MBOAT1: variants seen among roughly 807,000 people sequenced by gnomAD.
MBOAT1 encodes membrane bound glycerophospholipid O-acyltransferase 1, also known as membrane-bound glycerophospholipid O-acyltransferase 1.
A neutral mutation model predicts 64.4 loss-of-function variants in MBOAT1; 67 were observed. The ratio of observed to expected loss-of-function variants is 1.04; its 90% CI spans 0.85 to 1.27. MBOAT1 has a LOEUF of 1.27. MBOAT1 is among the 50% of genes most tolerant of loss of function. The probability of loss-of-function intolerance (pLI) is 0.00; values close to 1 mark genes in which losing one functional copy is unlikely to be tolerated. For missense variants in MBOAT1, 563 were observed against 604.6 expected, an observed-to-expected ratio of 0.93 and a Z score of 0.72; for synonymous variants, 229 against 218.9, an observed-to-expected ratio of 1.05 and a Z score of -0.41.
intron 8 of MBOAT1, among the ~76,000 whole-genome samples, chr6:20,123,584 A>G (rs1202175820): frequency 2.6e-5 from 4 of 152,162 alleles, no homozygotes; most frequent in Non-Finnish European, 5.9e-5. Context: ...TGATAAAACC[A>G]AGTGAAGTTG....
intron 10 of MBOAT1, 107 bp from the exon 11 acceptor site, chr6:20,113,115 G>A: frequency 3.0e-6 from 4 of 1,340,332 alleles, no homozygotes; most frequent in Non-Finnish European, 4.0e-6. Flanking sequence ...GGTTGTTACT[G>A]ATGAGATGCC....
intron 1 of MBOAT1, among the ~76,000 whole-genome samples, chr6:20,188,986 T>C (rs1004266925): frequency 1.3e-5 from 2 of 152,222 alleles, no homozygotes; most frequent in Non-Finnish European, 2.9e-5. Context: ...ATTCCTTCTT[T>C]ATATTCCCTC....
intron 1 of MBOAT1, among the ~76,000 whole-genome samples, chr6:20,157,255 C>G (rs2113703718): frequency 6.6e-6 from 1 of 152,304 alleles, no homozygotes; most frequent in South Asian, 2.1e-4. Context: ...CATGCCACTG[C>G]ACTCCAGCCT....
chr6:20,206,612 C>A (rs1763274254), intron 1 of MBOAT1, among the ~76,000 whole-genome samples: 1 of 152,154 alleles, frequency 6.6e-6, no homozygotes, highest in Admixed American at 6.5e-5. Flanking sequence ...CCGGGTCACA[C>A]CCCCTCTGCT....
At chr6:20,166,284 T>C (rs940818415) in intron 1 of MBOAT1, among the ~76,000 whole-genome samples, 8 of 152,194 alleles carry the variant, frequency 5.3e-5, no homozygotes, top group Non-Finnish European at 1.2e-4. Context: ...CCACACAGTA[T>C]GGCAGGTGTG....
Position 20,212,160 on chromosome 6 carries a change from C to T in MBOAT1, c.75G>A (p.Glu25=), listed in dbSNP as rs754390978. The T allele has an allele frequency of 2.5e-6, 4 of 1,613,724 alleles. No individual in the cohort carries two copies. The highest frequency in any genetic ancestry group is 2.2e-5 in the South Asian group (2 of 91,052). ...TGSTYLHPLS[E]LLGIPLDQVN... is the part of the protein sequence containing the mutation. ...CCTGGTCCAGCGGGATGCCCAGGAG[C>T]TCGCTGAGCGGGTGCAGGTAGGTGG... The change falls in exon 1 of 13, where the codon GAG becomes GAA. Residue 25 remains glutamate, a synonymous_variant. Transcript: ENST00000324607.
chr6:20,189,775 T>A (rs1762752914), intron 1 of MBOAT1, among the ~76,000 whole-genome samples: 2 of 152,126 alleles, frequency 1.3e-5, no homozygotes, highest in Non-Finnish European at 2.9e-5. Flanking sequence ...CCAAGTGAGA[T>A]CACATGGCAT....
chr6:20,206,139 C>A (rs1027985827), intron 1 of MBOAT1, among the ~76,000 whole-genome samples: 4 of 152,166 alleles, frequency 2.6e-5, no homozygotes, highest in African/African-American at 7.2e-5. Context: ...CAGGTCAGAG[C>A]TTTTCCAGAC....
At chr6:20,185,931 C>T (rs976617590) in intron 1 of MBOAT1, among the ~76,000 whole-genome samples, 3 of 152,064 alleles carry the variant, frequency 2.0e-5, no homozygotes, top group East Asian at 1.9e-4. Context: ...CCTCTAATCC[C>T]GATGCTTTGG....
chr6:20,111,175 T>C (rs913933653), intron 11 of MBOAT1, among the ~76,000 whole-genome samples: 1 of 151,898 alleles, frequency 6.6e-6, no homozygotes, highest in Non-Finnish European at 1.5e-5. Flanking sequence ...TTGTGGCACA[T>C]GTGACTAGAC....
intron 12 of MBOAT1, 87 bp downstream of exon 12, chr6:20,109,511 G>T: frequency 1.3e-6 from 2 of 1,494,744 alleles, no homozygotes; most frequent in Non-Finnish European, 1.8e-6. Context: ...GTTTAGGACT[G>T]CTTCATTCAA....
Position 20,166,078 on chromosome 6 carries a change from T to C in MBOAT1, c.100-13309A>G, listed in dbSNP as rs199993319. 5.3e-5 allele frequency among the ~76,000 whole-genome samples: 8 copies of C among 152,292 alleles called. No homozygotes were observed. In the East Asian group the frequency reaches 1.5e-3, roughly 29 times the overall value. On this transcript the variant is annotated intron_variant, in intron 1 of 12. Transcript: ENST00000324607. ...ATCTTCCTCTTTAGCAGATGGAGCA[T>C]ACACTTTAATACTGTTTCCTATATT...
intron 6 of MBOAT1, 84 bp from the exon 7 acceptor site, chr6:20,126,784 A>G: frequency 1.0e-6 from 1 of 961,500 alleles, no homozygotes; most frequent in East Asian, 2.5e-5. Context: ...CACAAATGTT[A>G]TCTCTGTAGA....
chr6:20,199,061 C>G (rs1223981759), intron 1 of MBOAT1, among the ~76,000 whole-genome samples: 4 of 152,252 alleles, frequency 2.6e-5, no homozygotes, highest in African/African-American at 9.6e-5. Flanking sequence ...AAAGGCCAAC[C>G]TGTAACCAGT....
chr6:20,163,340 C>A (rs1018272801), intron 1 of MBOAT1, among the ~76,000 whole-genome samples: 1 of 152,114 alleles, frequency 6.6e-6, no homozygotes, highest in African/African-American at 2.4e-5. Context: ...CCACTGTTAA[C>A]CAGTTAAAAA....
intron 11 of MBOAT1, among the ~76,000 whole-genome samples, chr6:20,111,636 T>C (rs1760139451): frequency 6.6e-6 from 1 of 151,744 alleles, no homozygotes; most frequent in South Asian, 2.1e-4. Flanking sequence ...CTAAGTTTTA[T>C]TTCTTAATTT....
intron 1 of MBOAT1, among the ~76,000 whole-genome samples, chr6:20,157,977 G>A (rs906430228): frequency 2.0e-5 from 3 of 151,974 alleles, no homozygotes; most frequent in African/African-American, 7.2e-5. Context: ...CCAACATGAC[G>A]AAACCCTGTG....
chr6:20,107,594 A>G (rs926073103), intron 12 of MBOAT1, among the ~76,000 whole-genome samples: 2 of 152,140 alleles, frequency 1.3e-5, no homozygotes, highest in Non-Finnish European at 2.9e-5. Context: ...CCATCAAGCT[A>G]TCACCCCAGT....
At chr6:20,176,012 A>C (rs954371253) in intron 1 of MBOAT1, among the ~76,000 whole-genome samples, 52 of 152,350 alleles carry the variant, frequency 3.4e-4, no homozygotes, top group African/African-American at 1.2e-3. Context: ...GGTGGGGCTC[A>C]GTGGCTCACG....
Sources: allele counts gnomAD v4.1 joint callset (sites outside exome capture counted in the v4.1 genomes callset), GRCh38; gene constraint gnomAD v4.1.1; transcripts MANE v1.5; gene names NCBI Gene and HGNC (gene_info 2026-07-23, HGNC 2026-07-21).